The following SPATA18 variants were observed in gnomAD, a reference collection of about 807,000 sequenced individuals.
The protein encoded by SPATA18 is mitochondria-eating protein.
SPATA18 carries 54 observed loss-of-function variants against 68.1 expected under a neutral mutation model. The ratio of observed to expected loss-of-function variants is 0.79; its 90% CI spans 0.64 to 0.99. The LOEUF is 0.99. Ranked by LOEUF, SPATA18 falls within the 50% of genes least tolerant of loss-of-function variation. The probability of loss-of-function intolerance (pLI) is 0.00; values close to 1 mark genes in which losing one functional copy is unlikely to be tolerated. For missense variants in SPATA18, 724 were observed against 681.1 expected, an observed-to-expected ratio of 1.06 and a Z score of -0.70; for synonymous variants, 242 against 244.8, an observed-to-expected ratio of 0.99 and a Z score of 0.11.
intron 9 of SPATA18, among the ~76,000 whole-genome samples, chr4:52,080,786 G>A (rs1740851643): frequency 6.6e-6 from 1 of 152,174 alleles, no homozygotes; most frequent in Non-Finnish European, 1.5e-5. Context: ...ATTCAGACAA[G>A]GCACTTAGGA....
chr4:52,086,109 T>C (rs1275574689), intron 11 of SPATA18, among the ~76,000 whole-genome samples: 1 of 151,676 alleles, frequency 6.6e-6, no homozygotes, highest in Non-Finnish European at 1.5e-5. Flanking sequence ...TTAGAGAGAG[T>C]GGTAGAGAAG....
chr4:52,063,255 A>G (rs1425308381), intron 4 of SPATA18, among the ~76,000 whole-genome samples: 10 of 152,212 alleles, frequency 6.6e-5, no homozygotes, highest in Non-Finnish European at 1.0e-4. Flanking sequence ...AGAAATCTCT[A>G]TTGATTTAGT....
chr4:52,063,541 A>G (rs1739070178), intron 4 of SPATA18, among the ~76,000 whole-genome samples: 1 of 152,208 alleles, frequency 6.6e-6, no homozygotes, highest in African/African-American at 2.4e-5. Context: ...ATGTGAGCTC[A>G]TTTTGAAGGA....
chr4:52,079,851 A>G lies in SPATA18; in HGVS notation c.1287A>G (p.Ala429=). The G allele has an allele frequency of 6.2e-7, 1 of 1,614,084 alleles. No individual in the cohort carries two copies. The highest frequency in any genetic ancestry group is 1.1e-5 in the South Asian group (1 of 91,076). ...AGGAGATATGTTGCATTGCCTTTGC[A>G]ATGCAGGCCTTAGAACCACCCCTAG... ...FIQEICCIAF[A]MQALEPPLDI... The change falls in exon 9 of 13, where the codon GCA becomes GCG. Residue 429 remains alanine (A), a synonymous_variant. Transcript: ENST00000295213.
chr4:52,072,801 T>A (rs1359802907), intron 6 of SPATA18, among the ~76,000 whole-genome samples: 2 of 152,008 alleles, frequency 1.3e-5, no homozygotes, highest in East Asian at 3.9e-4. Flanking sequence ...ATATGAGGGG[T>A]CATTTTCTCT....
intron 1 of SPATA18, 40 bp downstream of exon 1, chr4:52,051,831 TA>T (rs1560576261): frequency 6.4e-7 from 1 of 1,564,972 alleles, no homozygotes; most frequent in Admixed American, 1.7e-5. Context: ...CGCCCTCCCA[TA>T]GGTTCCAGCA....
intron 1 of SPATA18, among the ~76,000 whole-genome samples, chr4:52,057,276 G>A (rs1233238534): frequency 6.6e-6 from 1 of 151,996 alleles, no homozygotes; most frequent in Non-Finnish European, 1.5e-5. Flanking sequence ...TAAATCTGGA[G>A]AGTCTGTGCT....
At position 52,096,193 on chromosome 4, in the gene SPATA18, G is replaced by A. The variant is rs1742406214; in HGVS notation, c.*1306G>A. ...TGGTCACCACCTCATTCTGAAGTATGAGTTGAATTTTTTGCCCTCTTTGCA... is the reference window on the plus strand; with the variant it reads ...TGGTCACCACCTCATTCTGAAGTATAAGTTGAATTTTTTGCCCTCTTTGCA... On this transcript the variant is annotated 3_prime_UTR_variant, in exon 13 of 13. Transcript: ENST00000295213. 6.6e-6 allele frequency: 1 copy of A among 152,174 alleles called. No homozygotes were observed. The highest frequency in any genetic ancestry group is 1.5e-5 in the Non-Finnish European group (1 of 68,046). 9.4% of individuals were successfully genotyped at this position (152,174 alleles called of 1,614,324 possible).
At chr4:52,052,386 C>G (rs926175769) in intron 1 of SPATA18, among the ~76,000 whole-genome samples, 1 of 152,164 alleles carries the variant, frequency 6.6e-6, no homozygotes, top group Non-Finnish European at 1.5e-5. Context: ...GGCCTTTTTC[C>G]AGGCATTTGT....
At chr4:52,073,790 AGT>A (rs1446173033) in intron 6 of SPATA18, among the ~76,000 whole-genome samples, 1 of 152,100 alleles carries the variant, frequency 6.6e-6, no homozygotes, top group Admixed American at 6.5e-5. Context: ...ACTTTGGGAG[AGT>A]GTGTTTAGCC....
At chr4:52,077,998 A>G (rs747861257) in intron 7 of SPATA18, among the ~76,000 whole-genome samples, 2 of 152,170 alleles carry the variant, frequency 1.3e-5, no homozygotes, top group African/African-American at 4.8e-5. Context: ...AATCAGGGTT[A>G]GCAAACCATG....
At chr4:52,086,171 G>T (rs762511317) in intron 11 of SPATA18, among the ~76,000 whole-genome samples, 3 of 152,288 alleles carry the variant, frequency 2.0e-5, no homozygotes, top group Non-Finnish European at 2.9e-5. Context: ...CCTCTAGCAT[G>T]CAGCTGTAGC....
intron 11 of SPATA18, among the ~76,000 whole-genome samples, chr4:52,088,201 A>G (rs1741601721): frequency 6.6e-6 from 1 of 152,206 alleles, no homozygotes; most frequent in East Asian, 1.9e-4. Context: ...TAAATATACA[A>G]TCATGTCATC....
intron 11 of SPATA18, among the ~76,000 whole-genome samples, chr4:52,087,761 T>C (rs1043555338): frequency 6.6e-6 from 1 of 152,100 alleles, no homozygotes; most frequent in Admixed American, 6.5e-5. Context: ...GGGCTCTTTT[T>C]TGGTTCCATA....
At chr4:52,060,119 A>G (rs897102849) in intron 1 of SPATA18, among the ~76,000 whole-genome samples, 4 of 152,204 alleles carry the variant, frequency 2.6e-5, no homozygotes, top group African/African-American at 9.6e-5. Context: ...CAGAAGGGAA[A>G]AGAAAAAAAA....
chr4:52,080,696 C>A (rs2109495910), intron 9 of SPATA18, among the ~76,000 whole-genome samples: 1 of 152,230 alleles, frequency 6.6e-6, no homozygotes, highest in African/African-American at 2.4e-5. Context: ...CTTAATTTTT[C>A]TATTTCTTAG....
At chr4:52,087,724 T>A (rs1381015463) in intron 11 of SPATA18, among the ~76,000 whole-genome samples, 1 of 152,170 alleles carries the variant, frequency 6.6e-6, no homozygotes, top group Non-Finnish European at 1.5e-5. Flanking sequence ...GCTTTGTTCT[T>A]CTTGCCCAGG....
At chr4:52,069,686 C>T in intron 4 of SPATA18, 135 bp from the exon 5 acceptor site, 1 of 436,788 alleles carries the variant, frequency 2.3e-6, no homozygotes, top group South Asian at 6.2e-5. Flanking sequence ...TGATTGAATG[C>T]AGATGTCTTT....
chr4:52,053,638 C>G (rs539358826), intron 1 of SPATA18, among the ~76,000 whole-genome samples: 1 of 152,092 alleles, frequency 6.6e-6, no homozygotes, highest in Non-Finnish European at 1.5e-5. Context: ...GGAATTTAGC[C>G]TCTCCCATGC....
Sources: gnomAD v4.1 joint callset for allele counts (sites outside exome capture counted in the v4.1 genomes callset) on GRCh38, gnomAD v4.1.1 for gene constraint, MANE v1.5 for transcripts, NCBI Gene and HGNC (gene_info 2026-07-23, HGNC 2026-07-21) for gene names.